UBE2E2: variants seen among roughly 807,000 people sequenced by gnomAD.
The protein encoded by UBE2E2 is ubiquitin-conjugating enzyme E2 E2.
Under a neutral mutation model 24.7 loss-of-function variants are expected in UBE2E2, and 6 were observed. The ratio of observed to expected loss-of-function variants is 0.24; its 90% confidence interval spans 0.13 to 0.48. The LOEUF (loss-of-function observed/expected upper bound fraction) is 0.48, where lower values mean the gene tolerates loss of function less well. Among genes scored for constraint, UBE2E2 ranks in the 20% least tolerant of loss-of-function variants. The pLI is 0.99. For synonymous variants in UBE2E2, 104 were observed against 83.6 expected (o/e 1.24, Z -1.33); for missense variants, 169 against 245.0 (o/e 0.69, Z 2.07).
chr3:23,577,748 A>G (rs1696377425), intron 5 of UBE2E2, among the ~76,000 whole-genome samples: 1 of 152,206 alleles, frequency 6.6e-6, no homozygotes. Flanking sequence ...TAGGACATTT[A>G]TAGCTGGAGA....
At chr3:23,401,275 A>T (rs1047736541) in intron 3 of UBE2E2, among the ~76,000 whole-genome samples, 1 of 152,206 alleles carries the variant, frequency 6.6e-6, no homozygotes, top group East Asian at 1.9e-4. Flanking sequence ...TTAGAATACA[A>T]AACACTTTGG....
chr3:23,444,346 T>C (rs747661006), intron 3 of UBE2E2, among the ~76,000 whole-genome samples: 5 of 152,174 alleles, frequency 3.3e-5, no homozygotes, highest in Non-Finnish European at 5.9e-5. Flanking sequence ...TGACTCCCTT[T>C]TTTCTACTGA....
chr3:23,228,084 T>G (rs1696873542), intron 3 of UBE2E2, among the ~76,000 whole-genome samples: 3 of 152,314 alleles, frequency 2.0e-5, no homozygotes, highest in South Asian at 4.1e-4. Context: ...AAGACAACTG[T>G]CTCAATAAAA....
chr3:23,455,005 A>T (rs1698645898), intron 3 of UBE2E2, among the ~76,000 whole-genome samples: 1 of 152,214 alleles, frequency 6.6e-6, no homozygotes, highest in Non-Finnish European at 1.5e-5. Flanking sequence ...AGCAGAATTC[A>T]CTGGATTATC....
At chr3:23,247,867 CAAATTCATTTGT>C (rs1410663600) in intron 3 of UBE2E2, among the ~76,000 whole-genome samples, 1 of 152,152 alleles carries the variant, frequency 6.6e-6, no homozygotes, top group Non-Finnish European at 1.5e-5. Flanking sequence ...AAGTCATTTG[CAAATTCATTTGT>C]GGTTCTCCAT....
intron 5 of UBE2E2, among the ~76,000 whole-genome samples, chr3:23,558,837 G>T (rs1011047483): frequency 6.6e-6 from 1 of 152,058 alleles, no homozygotes; most frequent in Non-Finnish European, 1.5e-5. Context: ...AGGCAAGAGG[G>T]TCCCTTGAGC....
At chr3:23,542,545 A>G (rs912163816) in intron 5 of UBE2E2, among the ~76,000 whole-genome samples, 3 of 152,170 alleles carry the variant, frequency 2.0e-5, no homozygotes, top group South Asian at 2.1e-4. Context: ...GTGTATCTTC[A>G]TAGTATTCAT....
intron 4 of UBE2E2, among the ~76,000 whole-genome samples, chr3:23,525,515 G>C (rs889995191): frequency 1.3e-5 from 2 of 152,086 alleles, no homozygotes; most frequent in Non-Finnish European, 2.9e-5. Context: ...TGTTCCAAAA[G>C]GTGCTGTCCT....
In UBE2E2 at chr3:23,474,769, G is replaced by C. The variant is rs34311158; in HGVS notation, c.228-24839G>C. ...CCTTCCTTCCTGTCACAGCAGAAAA[G>C]GTGTCAGTGCTTCTGTCTGTGGTTT... On this transcript the variant is annotated intron_variant, in intron 3 of 5. Coordinates refer to ENST00000396703, the MANE Select transcript of UBE2E2 (RefSeq NM_152653.4). This position sits in a 1 kb window ranked among gnomAD's most constrained non-coding sequence, Gnocchi z 4.0. 5.9e-3 allele frequency among the ~76,000 whole-genome samples: 899 copies of C among 152,126 alleles called. 16 individuals are homozygous for C. The highest frequency in any genetic ancestry group is 0.021 in the African/African-American group (853 of 41,400).
chr3:23,357,100 A>G (rs748153625), intron 3 of UBE2E2, among the ~76,000 whole-genome samples: 22 of 152,216 alleles, frequency 1.4e-4, no homozygotes, highest in African/African-American at 3.9e-4. Context: ...CTTAAGTATC[A>G]TTGGCCAGAA....
chr3:23,526,108 G>A (rs1694991426), intron 4 of UBE2E2, among the ~76,000 whole-genome samples: 1 of 152,126 alleles, frequency 6.6e-6, no homozygotes, highest in Admixed American at 6.6e-5. Context: ...CATGTTTGCT[G>A]ATGTAACCAG....
chr3:23,388,929 G>A (rs1202021042), intron 3 of UBE2E2, among the ~76,000 whole-genome samples: 2 of 151,288 alleles, frequency 1.3e-5, no homozygotes, highest in Non-Finnish European at 2.9e-5. Flanking sequence ...TTGAACCTGG[G>A]AGGTGGAGGT....
chr3:23,443,236 A>G (rs569068567), intron 3 of UBE2E2, among the ~76,000 whole-genome samples: 2 of 152,300 alleles, frequency 1.3e-5, no homozygotes, highest in Admixed American at 1.3e-4. Flanking sequence ...CAAATATCAT[A>G]AAGGCACCAC....
chr3:23,556,809 C>G (rs1695800311), intron 5 of UBE2E2, among the ~76,000 whole-genome samples: 1 of 152,130 alleles, frequency 6.6e-6, no homozygotes, highest in South Asian at 2.1e-4. Context: ...AATTTTAAAG[C>G]AAATGCTGAC....
chr3:23,325,485 G>A (rs1437716773), intron 3 of UBE2E2, among the ~76,000 whole-genome samples: 2 of 152,102 alleles, frequency 1.3e-5, no homozygotes, highest in African/African-American at 4.8e-5. Context: ...ACACTTGTAG[G>A]TCCTTTAGTA....
At chr3:23,205,116 T>A (rs1021278814) in intron 1 of UBE2E2, among the ~76,000 whole-genome samples, 6 of 152,212 alleles carry the variant, frequency 3.9e-5, no homozygotes, top group Non-Finnish European at 8.8e-5. Context: ...ACAGTTTGTG[T>A]TGAAGAAGTA....
chr3:23,366,384 T>G (rs1346352105), intron 3 of UBE2E2, among the ~76,000 whole-genome samples: 2 of 152,176 alleles, frequency 1.3e-5, no homozygotes, highest in African/African-American at 4.8e-5. Context: ...CTATTCACGA[T>G]AGCAAAGTCT....
intron 5 of UBE2E2, among the ~76,000 whole-genome samples, chr3:23,561,402 G>T (rs1489800925): frequency 2.0e-5 from 3 of 152,116 alleles, no homozygotes; most frequent in Non-Finnish European, 4.4e-5. Context: ...TATTATTTCT[G>T]AGGGTTCTGT....
chr3:23,346,556 G>C (rs1407278250), intron 3 of UBE2E2, among the ~76,000 whole-genome samples: 1 of 152,172 alleles, frequency 6.6e-6, no homozygotes, highest in Non-Finnish European at 1.5e-5. Context: ...AATTATAAAA[G>C]TGTTCACTGT....
Sources: allele counts gnomAD v4.1 joint callset (sites outside exome capture counted in the v4.1 genomes callset), GRCh38; gene constraint gnomAD v4.1.1; non-coding constraint Gnocchi (gnomAD v3.1); transcripts MANE v1.5; gene names NCBI Gene and HGNC (gene_info 2026-07-23, HGNC 2026-07-21).